The following GALNT10 variants were observed in gnomAD, a reference collection of about 807,000 sequenced individuals.
GALNT10 encodes GalNAc transferase 10.
A neutral mutation model predicts 75.0 loss-of-function variants in GALNT10; 41 were observed. That is an observed-to-expected ratio of 0.55 (90% CI 0.43 to 0.71). The LOEUF (loss-of-function observed/expected upper bound fraction) is 0.71, where lower values mean the gene tolerates loss of function less well. Among genes scored for constraint, GALNT10 ranks in the 30% least tolerant of loss-of-function variants. GALNT10 has a pLI of 0.00. For synonymous variants in GALNT10, 302 were observed against 313.0 expected, an observed-to-expected ratio of 0.96 and a Z score of 0.37; for missense variants, 727 against 818.5, an observed-to-expected ratio of 0.89 and a Z score of 1.36.
intron 1 of GALNT10, among the ~76,000 whole-genome samples, chr5:154,201,197 G>C (rs1158636325): frequency 1.3e-5 from 2 of 151,988 alleles, no homozygotes; most frequent in Non-Finnish European, 2.9e-5. Flanking sequence ...TCGACTTTGG[G>C]AGCCCTCCTT....
At chr5:154,206,100 A>G (rs11167664) in intron 1 of GALNT10, among the ~76,000 whole-genome samples, 67,338 of 152,028 alleles carry the variant, frequency 0.44, 15,757 homozygotes, top group East Asian at 0.78. Context: ...TGCAAAGGCA[A>G]GGATAATTGT....
chr5:154,317,651 G>A (rs1407360665), intron 3 of GALNT10, among the ~76,000 whole-genome samples: 1 of 152,178 alleles, frequency 6.6e-6, no homozygotes, highest in Non-Finnish European at 1.5e-5. Flanking sequence ...AGAAGCCATC[G>A]CTGGGTCCAA....
intron 5 of GALNT10, among the ~76,000 whole-genome samples, chr5:154,378,813 C>G (rs1755694559): frequency 6.6e-6 from 1 of 152,216 alleles, no homozygotes; most frequent in South Asian, 2.1e-4. Flanking sequence ...GACCTCATGC[C>G]TCCCACAATC....
intron 3 of GALNT10, among the ~76,000 whole-genome samples, chr5:154,299,881 C>T (rs1169204013): frequency 1.4e-5 from 2 of 145,828 alleles, no homozygotes; most frequent in Non-Finnish European, 3.0e-5. Flanking sequence ...ATCACCCAGG[C>T]TGGAGTGCAG....
chr5:154,350,204 G>A (rs1211120613), intron 4 of GALNT10, among the ~76,000 whole-genome samples: 4 of 151,448 alleles, frequency 2.6e-5, no homozygotes, highest in Admixed American at 6.6e-5. Flanking sequence ...AAAAAAAAAT[G>A]TAGTCCCCAT....
intron 1 of GALNT10, among the ~76,000 whole-genome samples, chr5:154,211,303 G>A (rs1422432647): frequency 1.3e-5 from 2 of 152,300 alleles, no homozygotes; most frequent in South Asian, 4.1e-4. Context: ...TCTGGAGGGA[G>A]TGCAGTATTG....
intron 1 of GALNT10, among the ~76,000 whole-genome samples, chr5:154,207,937 T>C (rs1775136028): frequency 6.6e-6 from 1 of 151,708 alleles, no homozygotes; most frequent in Non-Finnish European, 1.5e-5. Flanking sequence ...GGTCCTGGAG[T>C]TCAATAGTTG....
chr5:154,207,188 G>A (rs1250005861), intron 1 of GALNT10, among the ~76,000 whole-genome samples: 1 of 152,228 alleles, frequency 6.6e-6, no homozygotes. Context: ...CCTGGGACAT[G>A]CGCAATATGC....
intron 2 of GALNT10, 78 bp from the exon 3 acceptor site, chr5:154,297,863 T>C: frequency 1.6e-6 from 2 of 1,289,166 alleles, no homozygotes; most frequent in Non-Finnish European, 2.2e-6. Context: ...TTTAATCATA[T>C]TTTTCATCCT....
intron 1 of GALNT10, among the ~76,000 whole-genome samples, chr5:154,195,140 C>CT (rs1581913084): frequency 6.6e-6 from 1 of 152,354 alleles, no homozygotes; most frequent in East Asian, 1.9e-4. Flanking sequence ...ATCTAGCTTG[C>CT]TAATTGTACC....
intron 1 of GALNT10, among the ~76,000 whole-genome samples, chr5:154,211,662 C>T (rs1250180618): frequency 6.6e-6 from 1 of 152,180 alleles, no homozygotes; most frequent in African/African-American, 2.4e-5. Flanking sequence ...TACAGTGTCT[C>T]TCATGAGGTC....
chr5:154,365,086 G>C (rs931974442), intron 4 of GALNT10, among the ~76,000 whole-genome samples: 11 of 152,350 alleles, frequency 7.2e-5, no homozygotes, highest in African/African-American at 2.4e-4. Context: ...AGGGCTGCCT[G>C]TTTAGATAAT....
chr5:154,224,739 G>A (rs1753034160), intron 1 of GALNT10, among the ~76,000 whole-genome samples: 2 of 151,114 alleles, frequency 1.3e-5, no homozygotes, highest in African/African-American at 4.8e-5. Context: ...AGATACAGTG[G>A]ACAACAGAAC....
chr5:154,249,857 A>T (rs1175700175), intron 1 of GALNT10, among the ~76,000 whole-genome samples: 1 of 152,148 alleles, frequency 6.6e-6, no homozygotes, highest in Non-Finnish European at 1.5e-5. Flanking sequence ...TACCCCACAG[A>T]TCACCCATGT....
chr5:154,229,511 G>A (rs940807376), intron 1 of GALNT10, among the ~76,000 whole-genome samples: 5 of 152,106 alleles, frequency 3.3e-5, no homozygotes, highest in Admixed American at 6.5e-5. Context: ...GGTGGATCAC[G>A]AGGTCAGGAG....
intron 1 of GALNT10, among the ~76,000 whole-genome samples, chr5:154,260,224 A>G (rs1753682272): frequency 6.6e-6 from 1 of 152,098 alleles, no homozygotes; most frequent in African/African-American, 2.4e-5. Context: ...ACCTCCCCCC[A>G]ACCCTCCCAA....
Position 154,232,765 on chromosome 5 carries a change from C to T in GALNT10, c.159+41740C>T, listed in dbSNP as rs540355038. ...CAGGAGCATCGTGACAAGTAACAGA[C>T]ATGTGGTCAATTTCAAAAAGTGTTG... On this transcript the variant is annotated intron_variant, in intron 1 of 11. Transcript: ENST00000297107. Among the ~76,000 whole-genome samples, 8 of 152,308 alleles carry T rather than the reference C, an allele frequency of 5.3e-5. No homozygotes were observed. In the South Asian group the frequency reaches 1.2e-3, roughly 24 times the overall value.
chr5:154,280,566 T>C (rs1021678688), intron 1 of GALNT10, among the ~76,000 whole-genome samples: 6 of 152,216 alleles, frequency 3.9e-5, no homozygotes, highest in Non-Finnish European at 8.8e-5. Flanking sequence ...AATATTATTT[T>C]AAAAGATACA....
chr5:154,218,077 A>C (rs1752911380), intron 1 of GALNT10: 2 of 985,092 alleles, frequency 2.0e-6, no homozygotes, highest in Admixed American at 1.2e-4. Context: ...TGAGACCAGG[A>C]TTATTCCCAC....
Sources: gnomAD v4.1 joint callset for allele counts (sites outside exome capture counted in the v4.1 genomes callset) on GRCh38, gnomAD v4.1.1 for gene constraint, MANE v1.5 for transcripts, NCBI Gene and HGNC (gene_info 2026-07-23, HGNC 2026-07-21) for gene names.